DENND2A: variants seen among roughly 807,000 people sequenced by gnomAD.
The protein encoded by DENND2A is DENN domain-containing protein 2A.
In DENND2A, 53 loss-of-function variants were observed where a neutral mutation model predicts 105.3. That is an observed-to-expected ratio of 0.50 (90% CI 0.40 to 0.63). The LOEUF is 0.63. DENND2A is among the 30% of genes least tolerant of loss of function. The pLI is 0.00. For synonymous variants in DENND2A, 522 were observed against 508.4 expected (o/e 1.03, Z -0.36); for missense variants, 1,138 against 1,279.6 (o/e 0.89, Z 1.69).
intron 14 of DENND2A, among the ~76,000 whole-genome samples, chr7:140,542,767 T>G (rs915226811): frequency 6.6e-6 from 1 of 151,984 alleles, no homozygotes; most frequent in Non-Finnish European, 1.5e-5. Context: ...GGTTTCACCA[T>G]GTTGTTCAGG....
chr7:140,536,431 G>T (rs1241001569), intron 14 of DENND2A, among the ~76,000 whole-genome samples: 1 of 152,006 alleles, frequency 6.6e-6, no homozygotes, highest in Admixed American at 6.6e-5. Flanking sequence ...AAAAGGTGAA[G>T]ATGACAGTGT....
intron 5 of DENND2A, among the ~76,000 whole-genome samples, chr7:140,578,830 T>C (rs1240178549): frequency 2.6e-5 from 4 of 152,178 alleles, no homozygotes; most frequent in African/African-American, 9.7e-5. Context: ...GCTGAGATCA[T>C]GCCACTGCAC....
Position 140,580,369 on chromosome 7 carries a change from G to C in DENND2A, c.1245+5220C>G, listed in dbSNP as rs556688031. Among the ~76,000 whole-genome samples the C allele has an allele frequency of 5.2e-4, 79 of 152,206 alleles. 1 individual carries two copies. The Middle Eastern group carries it at 0.014, about 26-fold the overall frequency. On this transcript the variant is annotated intron_variant, in intron 5 of 19. Transcript: ENST00000496613. ...TTTTTGGAGACAGGCTCTCACTCTG[G>C]AGAGCTGTGGCACAAAAATAGCTCA...
At chr7:140,607,211 G>A (rs1254218812) in intron 1 of DENND2A, among the ~76,000 whole-genome samples, 1 of 152,190 alleles carries the variant, frequency 6.6e-6, no homozygotes, top group Non-Finnish European at 1.5e-5. Flanking sequence ...GCTGCCTGAT[G>A]TCCTGGCCTG....
intron 5 of DENND2A, among the ~76,000 whole-genome samples, chr7:140,584,007 C>T (rs1316472261): frequency 6.7e-6 from 1 of 148,650 alleles, no homozygotes; most frequent in Non-Finnish European, 1.5e-5. Context: ...TTTGGGAGGC[C>T]AAGGCGGGCG....
chr7:140,552,183 C>G (rs1455364179), intron 12 of DENND2A, among the ~76,000 whole-genome samples: 2 of 152,190 alleles, frequency 1.3e-5, no homozygotes, highest in Non-Finnish European at 2.9e-5. Context: ...AATGCCTAGT[C>G]TGCTAGACCT....
Position 140,587,756 on chromosome 7 carries a change from T to TCTTC in DENND2A, c.1019_1020insGAAG (p.Leu341LysfsTer7), listed in dbSNP as rs766702133. The TCTTC allele has an allele frequency of 3.7e-6, 6 of 1,604,630 alleles. No homozygotes were observed. Among genetic ancestry groups the TCTTC allele is most frequent in the Non-Finnish European group, 5.1e-6 (6 of 1,173,140 alleles). On this transcript the variant is annotated frameshift_variant, in exon 4 of 20. Coordinates refer to ENST00000496613, the MANE Select transcript of DENND2A (RefSeq NM_015689.5). LOFTEE classifies it high-confidence loss of function. ...TGCTGCTCTCAGAGGAAGACTGCAG[T>TCTTC]AAATCTTCAAACTCATAGGACTTTC...
intron 1 of DENND2A, among the ~76,000 whole-genome samples, chr7:140,615,725 T>TG (rs1308616391): frequency 6.6e-6 from 1 of 151,528 alleles, no homozygotes; most frequent in Admixed American, 6.6e-5. Flanking sequence ...TGTATTTTTT[T>TG]GTAGAGATGG....
At chr7:140,581,776 C>CTACAGA (rs1165542138) in intron 5 of DENND2A, among the ~76,000 whole-genome samples, 1 of 152,158 alleles carries the variant, frequency 6.6e-6, no homozygotes, top group African/African-American at 2.4e-5. Flanking sequence ...TTCAGGACAG[C>CTACAGA]TACAGATACA....
In DENND2A at chr7:140,602,045, C is replaced by A. The variant is rs749914300; in HGVS notation, c.353G>T (p.Gly118Val). 11 of 1,614,222 alleles carry A rather than the reference C, an allele frequency of 6.8e-6. No homozygotes were observed. In the East Asian group the frequency reaches 1.8e-4, roughly 26 times the overall value. Reference protein sequence around the residue: ...KERNKGAVNVGGQDPEPGQDL... With the variant: ...KERNKGAVNVVGQDPEPGQDL... ...TTGCCCCGGCTCTGGGTCCTGTCCC[C>A]CGACGTTCACTGCTCCTTTATTCCT... is the stretch of plus-strand genomic sequence containing the variant. The change falls in exon 3 of 20, where the codon GGG becomes GTG. Residue 118 changes from glycine (G) to valine (V), a missense_variant. Gly to Val is a moderately radical substitution (Grantham distance 109, BLOSUM62 -3). Transcript: ENST00000496613.
intron 1 of DENND2A, among the ~76,000 whole-genome samples, chr7:140,609,656 T>C (rs1296697300): frequency 1.3e-5 from 2 of 152,348 alleles, no homozygotes; most frequent in East Asian, 1.9e-4. Flanking sequence ...CTAAGTCCTA[T>C]AAGTTGAAGA....
chr7:140,617,021 C>A (rs1322428433), intron 1 of DENND2A, among the ~76,000 whole-genome samples: 1 of 152,174 alleles, frequency 6.6e-6, no homozygotes, highest in African/African-American at 2.4e-5. Flanking sequence ...CCACGCCCAG[C>A]TGAATTTTGT....
chr7:140,604,769 T>G (rs182792163), intron 2 of DENND2A, among the ~76,000 whole-genome samples: 23 of 152,306 alleles, frequency 1.5e-4, no homozygotes, highest in African/African-American at 5.3e-4. Flanking sequence ...AATCCTGAGT[T>G]TTTCATCTTC....
chr7:140,611,653 T>C (rs1031714067), intron 1 of DENND2A, among the ~76,000 whole-genome samples: 11 of 152,222 alleles, frequency 7.2e-5, no homozygotes, highest in Admixed American at 2.6e-4. Context: ...AATGAAGCAC[T>C]GTTACATGCT....
chr7:140,624,665 G>A (rs532495470), intron 1 of DENND2A, among the ~76,000 whole-genome samples: 1 of 151,846 alleles, frequency 6.6e-6, no homozygotes, highest in African/African-American at 2.4e-5. Context: ...ACCTGGATCT[G>A]CTAGTTACAC....
upstream of DENND2A, chr7:140,640,907 T>A (rs1801180394): frequency 6.7e-6 from 1 of 149,788 alleles, no homozygotes; most frequent in African/African-American, 2.5e-5. The surrounding 1 kb of genome is among the most constrained non-coding windows in gnomAD (Gnocchi z 4.9). Flanking sequence ...CGGCAACCCC[T>A]CTCCCAGGGC....
Position 140,523,227 on chromosome 7 carries a change from G to A in DENND2A, c.2665+80C>T, listed in dbSNP as rs1434165030. ...GTCTCCCTTGCCCATATTCCTACTTGGCCCTTGGCCACTGCCCATTTGTTC... is the reference window on the plus strand; with the variant it reads ...GTCTCCCTTGCCCATATTCCTACTTAGCCCTTGGCCACTGCCCATTTGTTC... On this transcript the variant is annotated intron_variant, in intron 17 of 19. Transcript: ENST00000496613. This position sits in a 1 kb window ranked among gnomAD's most constrained non-coding sequence, Gnocchi z 4.5. 4 of 1,306,062 alleles carry A rather than the reference G, an allele frequency of 3.1e-6. No homozygotes were observed. Among genetic ancestry groups the A allele is most frequent in the Admixed American group, 1.7e-5 (1 of 58,764 alleles). 80.9% of individuals were successfully genotyped at this position (1,306,062 alleles called of 1,614,324 possible).
At chr7:140,544,356 G>A (rs1434596053) in intron 14 of DENND2A, 1 of 555,908 alleles carries the variant, frequency 1.8e-6, no homozygotes, top group Non-Finnish European at 3.2e-6. Context: ...CACCATGGCT[G>A]GCTAATTTTT....
At chr7:140,577,075 A>G (rs1350140446) in intron 5 of DENND2A, among the ~76,000 whole-genome samples, 2 of 152,232 alleles carry the variant, frequency 1.3e-5, no homozygotes, top group African/African-American at 4.8e-5. Context: ...CTGCTGGAGA[A>G]AGGGGATCCT....
Sources: gnomAD v4.1 joint callset for allele counts (sites outside exome capture counted in the v4.1 genomes callset) on GRCh38, gnomAD v4.1.1 for gene constraint, Gnocchi (gnomAD v3.1) non-coding constraint, MANE v1.5 for transcripts, NCBI Gene and HGNC (gene_info 2026-07-23, HGNC 2026-07-21) for gene names.